The following ARMH3 variants were observed in gnomAD, a reference collection of about 807,000 sequenced individuals.
ARMH3 encodes armadillo like helical domain containing 3, also known as armadillo-like helical domain-containing protein 3.
ARMH3 carries 60 observed loss-of-function variants against 99.1 expected under a neutral mutation model. That is an observed-to-expected ratio of 0.61 (90% CI 0.49 to 0.75). The LOEUF is 0.75. ARMH3 is among the 30% of genes least tolerant of loss of function. The probability of loss-of-function intolerance (pLI) is 0.00; values close to 1 mark genes in which losing one functional copy is unlikely to be tolerated. For synonymous variants in ARMH3, 285 were observed against 292.8 expected (o/e 0.97, Z 0.27); for missense variants, 679 against 843.1 (o/e 0.81, Z 2.41).
chr10:101,907,296 TATATA>T (rs1409411922), intron 23 of ARMH3, among the ~76,000 whole-genome samples: 4 of 152,136 alleles, frequency 2.6e-5, no homozygotes, highest in African/African-American at 7.2e-5. Context: ...TTATAGTGAA[TATATA>T]ATATATCTTC....
intron 14 of ARMH3, among the ~76,000 whole-genome samples, chr10:102,005,155 C>A (rs1460273951): frequency 6.6e-6 from 1 of 152,074 alleles, no homozygotes; most frequent in African/African-American, 2.4e-5. Flanking sequence ...TGAGATCGCA[C>A]CCCTGCACTC....
At chr10:101,978,495 T>C (rs1846099557) in intron 19 of ARMH3, among the ~76,000 whole-genome samples, 1 of 152,138 alleles carries the variant, frequency 6.6e-6, no homozygotes, top group South Asian at 2.1e-4. Flanking sequence ...ACTAGGTGTA[T>C]ACAAAAGAAA....
intron 19 of ARMH3, among the ~76,000 whole-genome samples, chr10:101,983,993 T>C (rs1178415480): frequency 6.6e-6 from 1 of 152,030 alleles, no homozygotes; most frequent in Non-Finnish European, 1.5e-5. Context: ...CCTAAACCCA[T>C]GGGATCTGAA....
chr10:102,051,196 G>A (rs1425723501), intron 1 of ARMH3, among the ~76,000 whole-genome samples: 2 of 151,558 alleles, frequency 1.3e-5, no homozygotes, highest in Non-Finnish European at 2.9e-5. Context: ...AAGTCAAGTG[G>A]GCGCAGTGGC....
chr10:101,960,889 C>CAA (rs36000408), intron 20 of ARMH3, among the ~76,000 whole-genome samples: 4 of 74,556 alleles, frequency 5.4e-5, no homozygotes, highest in Admixed American at 1.4e-4. Flanking sequence ...AACTCCGTCT[C>CAA]AAAAAAAAAA....
At chr10:101,926,018 G>C (rs147729258) in intron 23 of ARMH3, among the ~76,000 whole-genome samples, 2 of 152,290 alleles carry the variant, frequency 1.3e-5, no homozygotes, top group East Asian at 3.9e-4. Flanking sequence ...TCCAACAAAT[G>C]AGATTTATGC....
At chr10:102,033,423 T>TA in intron 2 of ARMH3, 84 bp from the exon 3 acceptor site, 2 of 1,415,524 alleles carry the variant, frequency 1.4e-6, no homozygotes, top group Non-Finnish European at 1.9e-6. Context: ...ACCTTAGTTT[T>TA]CTTTTTTTTT....
At chr10:101,855,742 A>G (rs1461070087) in intron 24 of ARMH3, among the ~76,000 whole-genome samples, 3 of 147,186 alleles carry the variant, frequency 2.0e-5, no homozygotes, top group Non-Finnish European at 3.0e-5. Flanking sequence ...AATACATTAT[A>G]TAAAATATAT....
intron 24 of ARMH3, among the ~76,000 whole-genome samples, chr10:101,852,627 T>C (rs2066629926): frequency 6.6e-6 from 1 of 152,002 alleles, no homozygotes; most frequent in African/African-American, 2.4e-5. Flanking sequence ...TGCGCACCTA[T>C]AATCCCAGCA....
intron 22 of ARMH3, among the ~76,000 whole-genome samples, chr10:101,945,782 T>G (rs893463617): frequency 6.7e-6 from 1 of 150,074 alleles, no homozygotes; most frequent in Admixed American, 6.6e-5. Flanking sequence ...CAACATAACA[T>G]TAAAAATGTC....
chr10:101,928,494 G>A (rs1480024862), intron 23 of ARMH3, among the ~76,000 whole-genome samples: 3 of 152,130 alleles, frequency 2.0e-5, no homozygotes, highest in African/African-American at 7.2e-5. Flanking sequence ...CTTAGTGGGA[G>A]AAAACGAGAT....
At position 102,033,040 on chromosome 10, in the gene ARMH3, C is replaced by A; in HGVS notation, c.292G>T (p.Val98Phe). Residue 98 changes from valine (V) to phenylalanine (F), a missense_variant, in exon 4 of 26, where the codon GTC (valine) becomes TTC (phenylalanine). This residue lies in a region of ARMH3 where 280 missense variants were observed against 354.6 expected (regional missense o/e 0.79). Transcript: ENST00000370033. Reference protein sequence around the residue: ...ALGEEHPIRVVNALQTLCALI... With the variant: ...ALGEEHPIRVFNALQTLCALI... ...CAGCCTTGTACCTGCAATGCATTGA[C>A]AACCCGAATTGGATGCTCCTCTCCC... The A allele has an allele frequency of 6.2e-7, 1 of 1,614,088 alleles. No homozygotes were observed. Among genetic ancestry groups the A allele is most frequent in the Non-Finnish European group, 8.5e-7 (1 of 1,179,982 alleles).
intron 8 of ARMH3, among the ~76,000 whole-genome samples, chr10:102,018,854 G>T (rs1026849893): frequency 6.6e-6 from 1 of 152,092 alleles, no homozygotes; most frequent in Non-Finnish European, 1.5e-5. Flanking sequence ...CTGCTCAGAA[G>T]GCTGAGGCAG....
chr10:102,041,090 A>AATATATATATATATATATAAT (rs2067405279), intron 1 of ARMH3, among the ~76,000 whole-genome samples: 2 of 132,642 alleles, frequency 1.5e-5, no homozygotes, highest in African/African-American at 5.4e-5. Flanking sequence ...ATATATATAT[A>AATATATATATATATATATAAT]ATATATATAT....
chr10:101,924,724 C>T (rs531984781), intron 23 of ARMH3, among the ~76,000 whole-genome samples: 7 of 152,060 alleles, frequency 4.6e-5, no homozygotes, highest in East Asian at 1.9e-4. Context: ...CCAGGAGTAG[C>T]GGCTCATGCC....
intron 24 of ARMH3, among the ~76,000 whole-genome samples, chr10:101,874,191 G>C (rs1386532494): frequency 6.6e-6 from 1 of 152,074 alleles, no homozygotes; most frequent in Non-Finnish European, 1.5e-5. Context: ...AACATTTTTT[G>C]GGTGATGGAA....
intron 24 of ARMH3, among the ~76,000 whole-genome samples, chr10:101,862,353 G>T (rs188374965): frequency 3.3e-5 from 5 of 152,332 alleles, no homozygotes; most frequent in African/African-American, 1.2e-4. Flanking sequence ...GAGACAGGCA[G>T]ATCACTTGAG....
intron 23 of ARMH3, among the ~76,000 whole-genome samples, chr10:101,938,546 T>G (rs1167157610): frequency 2.0e-5 from 3 of 152,302 alleles, no homozygotes; most frequent in Middle Eastern, 3.4e-3. Context: ...CATAAATACA[T>G]GAATGAGTCA....
intron 20 of ARMH3, among the ~76,000 whole-genome samples, chr10:101,967,410 G>A (rs1216972054): frequency 1.3e-5 from 2 of 152,172 alleles, no homozygotes; most frequent in Non-Finnish European, 2.9e-5. Flanking sequence ...TGGTGCAGGA[G>A]AGAATCTGAA....
Sources: allele counts gnomAD v4.1 joint callset (sites outside exome capture counted in the v4.1 genomes callset), GRCh38; gene constraint gnomAD v4.1.1; regional missense constraint gnomAD v4.1.1; transcripts MANE v1.5; gene names NCBI Gene and HGNC (gene_info 2026-07-23, HGNC 2026-07-21).